Variants in HEATR4 observed in about 807,000 individuals in gnomAD.
HEATR4 encodes the protein HEAT repeat containing 4, also known as HEAT repeat-containing protein 4.
Under a neutral mutation model 108.8 loss-of-function variants are expected in HEATR4, and 95 were observed. The ratio of observed to expected loss-of-function variants is 0.87; its 90% CI spans 0.74 to 1.04. HEATR4 has a LOEUF of 1.04. HEATR4 is among the 50% of genes least tolerant of loss of function. The pLI is 0.00. For missense variants in HEATR4, 1,152 were observed against 1,253.8 expected (o/e 0.92, Z 1.23); for synonymous variants, 443 against 459.4 (o/e 0.96, Z 0.46).
chr14:73,500,330 A>T lies in HEATR4; in HGVS notation c.2286+220T>A, dbSNP rs1423817315. On this transcript the variant is annotated intron_variant, in intron 12 of 17. Transcript: ENST00000553558. ...ACTATCGTTAGTGTTAGTGTACTTT[A>T]TATGTGGCCCAAGACAATTCTTCCA... Among the ~76,000 whole-genome samples, 9 of 143,394 alleles carry T rather than the reference A, an allele frequency of 6.3e-5. No homozygotes were observed. In the Admixed American group the frequency reaches 6.3e-4, roughly 10 times the overall value. 94.1% of individuals were successfully genotyped at this position (143,394 alleles called of 152,430 possible). A position where few individuals can be genotyped will look rare whatever the true frequency, so the allele number is the denominator to read the frequency against.
chr14:73,504,945 T>C (rs1482985472), intron 10 of HEATR4, among the ~76,000 whole-genome samples: 1 of 152,170 alleles, frequency 6.6e-6, no homozygotes, highest in African/African-American at 2.4e-5. Flanking sequence ...GTTTGTTTTT[T>C]TTTTTAGATG....
the HEATR4 span, among the ~76,000 whole-genome samples, chr14:73,587,435 G>A: frequency 6.8e-3 from 1,025 of 151,492 alleles, 11 homozygotes; most frequent in African/African-American, 0.024. Context: ...TCACTGCCAC[G>A]TCCGCCTCCT....
chr14:73,569,285 C>G, the HEATR4 span: 2 of 1,613,936 alleles, frequency 1.2e-6, no homozygotes, highest in South Asian at 1.1e-5. Flanking sequence ...CAGTTGTTCT[C>G]AGGTCTGAAT....
At chr14:73,575,487 G>T in the HEATR4 span, 2 of 1,507,382 alleles carry the variant, frequency 1.3e-6, no homozygotes, top group Non-Finnish European at 1.8e-6. Context: ...GGGTGGCCAC[G>T]AGGGGACAAT....
chr14:73,597,094 A>ATTTATTTATTTATTTTTTTT, the HEATR4 span, among the ~76,000 whole-genome samples: 7 of 149,438 alleles, frequency 4.7e-5, no homozygotes, highest in African/African-American at 1.7e-4. Context: ...TTATTTATTT[A>ATTTATTTATTTATTTTTTTT]TTTTTTTGAG....
chr14:73,500,620 G>C lies in HEATR4; in HGVS notation c.2216C>G (p.Ser739Cys), dbSNP rs1415293000. ...CCGCCGAACTGCTGTGAAGTCATCAGAGAAGCAGTGCAGGAAGCTTGGGAG... is the reference window on the plus strand; with the variant it reads ...CCGCCGAACTGCTGTGAAGTCATCACAGAAGCAGTGCAGGAAGCTTGGGAG... The part of the protein sequence containing the change: ...KLLPSFLHCF[S>C]DDFTAVRRAA... The change falls in exon 12 of 18, where the codon TCT becomes TGT. Residue 739 changes from serine (S) to cysteine (C), a missense_variant. Physicochemically the swap from Ser to Cys is moderately radical, Grantham distance 112 (BLOSUM62 -1). Transcript: ENST00000553558. The C allele has an allele frequency of 3.1e-6, 5 of 1,614,072 alleles. No individual in the cohort carries two copies. The highest frequency in any genetic ancestry group is 4.2e-6 in the Non-Finnish European group (5 of 1,180,050).
At chr14:73,481,242 C>A (rs1476709739) in intron 17 of HEATR4, among the ~76,000 whole-genome samples, 1 of 151,830 alleles carries the variant, frequency 6.6e-6, no homozygotes, top group Non-Finnish European at 1.5e-5. Context: ...AGTTTGAGAC[C>A]AGCTTGGCCA....
chr14:73,633,597 T>G, the HEATR4 span: 1 of 152,184 alleles, frequency 6.6e-6, no homozygotes, highest in African/African-American at 2.4e-5. Flanking sequence ...CAATCAGGCT[T>G]AGGGAATATT....
chr14:73,608,177 C>A, the HEATR4 span, among the ~76,000 whole-genome samples: 1 of 152,216 alleles, frequency 6.6e-6, no homozygotes, highest in Non-Finnish European at 1.5e-5. Flanking sequence ...CCTGCCTTGG[C>A]CTCCCAAAGT....
At chr14:73,589,944 T>C in the HEATR4 span, among the ~76,000 whole-genome samples, 30,936 of 152,098 alleles carry the variant, frequency 0.2, 5,838 homozygotes, top group African/African-American at 0.5. Flanking sequence ...TCGTTCCTCC[T>C]GGTGAGTTCG....
intron 11 of HEATR4, among the ~76,000 whole-genome samples, chr14:73,501,541 C>T (rs534910877): frequency 6.7e-5 from 10 of 150,144 alleles, no homozygotes; most frequent in African/African-American, 2.0e-4. Context: ...CACTTACCCA[C>T]TCTGCGGCTC....
chr14:73,491,151 G>A (rs373116155), intron 17 of HEATR4: 6 of 1,607,652 alleles, frequency 3.7e-6, no homozygotes, highest in Non-Finnish European at 5.1e-6. Context: ...CAGCTGCGAA[G>A]TGTTGTATCC....
At chr14:73,620,649 C>A in the HEATR4 span, among the ~76,000 whole-genome samples, 1 of 152,008 alleles carries the variant, frequency 6.6e-6, no homozygotes, top group Admixed American at 6.6e-5. Context: ...CTCACTGCAA[C>A]CTCCGCCTCC....
intron 12 of HEATR4, 72 bp downstream of exon 12, chr14:73,500,478 G>A: frequency 6.8e-7 from 1 of 1,465,508 alleles, no homozygotes; most frequent in Non-Finnish European, 9.4e-7. Flanking sequence ...TGAGCATACT[G>A]TGCACAACCA....
chr14:73,484,821 CACACACACACAG>C (rs926262073), intron 17 of HEATR4, among the ~76,000 whole-genome samples: 1 of 149,308 alleles, frequency 6.7e-6, no homozygotes, highest in African/African-American at 2.5e-5. Context: ...GACACACACA[CACACACACACAG>C]ACACACACAC....
At chr14:73,484,853 CACACACACAT>C (rs1380236568) in intron 17 of HEATR4, among the ~76,000 whole-genome samples, 8 of 151,506 alleles carry the variant, frequency 5.3e-5, no homozygotes, top group Non-Finnish European at 1.0e-4. Context: ...CACACACACA[CACACACACAT>C]ATATGGTTTT....
At chr14:73,498,463 A>AT (rs1334417742) in intron 13 of HEATR4, 119 bp from the exon 14 acceptor site, 1 of 849,240 alleles carries the variant, frequency 1.2e-6, no homozygotes, top group East Asian at 2.7e-5. Flanking sequence ...CACCATTAGA[A>AT]TTTTAGGGAT....
intron 16 of HEATR4, among the ~76,000 whole-genome samples, chr14:73,494,752 G>T (rs1885998045): frequency 6.6e-6 from 1 of 151,982 alleles, no homozygotes; most frequent in African/African-American, 2.4e-5. Context: ...GAGATGGAGG[G>T]GTCTTGCTAT....
intron 1 of HEATR4, among the ~76,000 whole-genome samples, chr14:73,557,850 T>C (rs1889423730): frequency 1.1e-5 from 1 of 89,186 alleles, no homozygotes; most frequent in South Asian, 3.4e-4. Context: ...CCACCATGCC[T>C]GGCTAATGTT....
Sources: allele counts gnomAD v4.1 joint callset (sites outside exome capture counted in the v4.1 genomes callset), GRCh38; gene constraint gnomAD v4.1.1; transcripts MANE v1.5; gene names NCBI Gene and HGNC (gene_info 2026-07-23, HGNC 2026-07-21).